Variants in THSD4 observed in about 807,000 individuals in gnomAD.
THSD4 encodes thrombospondin type 1 domain containing 4, also known as thrombospondin type-1 domain-containing protein 4.
THSD4 carries 69 observed loss-of-function variants against 119.0 expected under a neutral mutation model. The ratio of observed to expected loss-of-function variants is 0.58; its 90% CI spans 0.48 to 0.71. The LOEUF (loss-of-function observed/expected upper bound fraction) is 0.71, where lower values mean the gene tolerates loss of function less well. Among genes scored for constraint, THSD4 ranks in the 30% least tolerant of loss-of-function variants. The pLI, the probability that THSD4 is intolerant of heterozygous loss-of-function variation, is 0.00. For missense variants in THSD4, 1,393 were observed against 1,391.1 expected (o/e 1.00, Z -0.02); for synonymous variants, 524 against 540.4 (o/e 0.97, Z 0.42).
At chr15:71,458,422 T>C (rs1044391279) in intron 7 of THSD4, among the ~76,000 whole-genome samples, 3 of 152,204 alleles carry the variant, frequency 2.0e-5, no homozygotes, top group Admixed American at 6.5e-5. Flanking sequence ...TAAACTTTAG[T>C]GTGCTTATCT....
Position 71,745,207 on chromosome 15 carries a change from C to A in THSD4, c.2008C>A (p.Pro670Thr), listed in dbSNP as rs868569048. Residue 670 changes from proline (P) to threonine (T), a missense_variant, in exon 12 of 18, where the codon CCC becomes ACC. Coordinates refer to ENST00000261862, the MANE Select transcript of THSD4 (RefSeq NM_024817.3). ...SSMKPTPEEE[P>T]CNIFPCPAFW... ...CATGAAGCCGACCCCCGAGGAGGAGCCCTGCAACATCTTCCCTTGCCCAGC... is the reference window on the plus strand; with the variant it reads ...CATGAAGCCGACCCCCGAGGAGGAGACCTGCAACATCTTCCCTTGCCCAGC... 2 of 1,613,780 alleles carry A rather than the reference C, an allele frequency of 1.2e-6. No individual in the cohort carries two copies. The highest frequency in any genetic ancestry group is 1.7e-5 in the Admixed American group (1 of 60,018).
intron 6 of THSD4, among the ~76,000 whole-genome samples, chr15:71,378,827 A>C (rs1046850987): frequency 2.0e-5 from 3 of 152,210 alleles, no homozygotes; most frequent in Non-Finnish European, 4.4e-5. Flanking sequence ...TCTGTTGCCC[A>C]GGCTGCAGTA....
At chr15:71,317,012 T>C (rs2045196425) in intron 6 of THSD4, among the ~76,000 whole-genome samples, 1 of 152,116 alleles carries the variant, frequency 6.6e-6, no homozygotes, top group Non-Finnish European at 1.5e-5. Flanking sequence ...AAAGATTGGG[T>C]GGGATATAAA....
intron 3 of THSD4, among the ~76,000 whole-genome samples, chr15:71,202,889 G>A (rs1415545627): frequency 6.6e-6 from 1 of 152,176 alleles, no homozygotes; most frequent in African/African-American, 2.4e-5. Flanking sequence ...GATTGCATCA[G>A]CCAGGTGACA....
At chr15:71,126,115 C>T (rs1002135085) in intron 1 of THSD4, among the ~76,000 whole-genome samples, 2 of 152,224 alleles carry the variant, frequency 1.3e-5, no homozygotes, top group Non-Finnish European at 2.9e-5. Context: ...TGTTTGACGT[C>T]CAGCAATCCA....
intron 6 of THSD4, among the ~76,000 whole-genome samples, chr15:71,301,773 G>A (rs1350551401): frequency 1.3e-5 from 2 of 152,212 alleles, no homozygotes; most frequent in African/African-American, 4.8e-5. Context: ...AGTTGAGTGT[G>A]TGCTTAGTTA....
intron 8 of THSD4, among the ~76,000 whole-genome samples, chr15:71,662,266 G>C (rs1054862923): frequency 2.0e-5 from 3 of 152,064 alleles, no homozygotes; most frequent in Non-Finnish European, 4.4e-5. Flanking sequence ...GGTTTTACGG[G>C]GGGGGAGGAG....
At chr15:71,272,920 G>A (rs2415113) in intron 6 of THSD4, among the ~76,000 whole-genome samples, 148,986 of 152,296 alleles carry the variant, frequency 0.98, 72,950 homozygotes, top group East Asian at 1. Context: ...TATGGAGAAA[G>A]GGGAACCTTT....
chr15:71,451,088 G>A (rs192569158), intron 7 of THSD4, among the ~76,000 whole-genome samples: 2 of 152,236 alleles, frequency 1.3e-5, no homozygotes, highest in East Asian at 3.9e-4. Flanking sequence ...TGAAGTGGGA[G>A]AATCACTTAA....
At chr15:71,752,560 G>A (rs1266799756) in intron 14 of THSD4, among the ~76,000 whole-genome samples, 1 of 152,214 alleles carries the variant, frequency 6.6e-6, no homozygotes. Flanking sequence ...GAGTAGATGA[G>A]TGGGAAGGGA....
intron 6 of THSD4, among the ~76,000 whole-genome samples, chr15:71,327,136 C>T (rs2045356779): frequency 6.6e-6 from 1 of 152,102 alleles, no homozygotes; most frequent in Admixed American, 6.5e-5. Context: ...CACTGCACTC[C>T]AGCCTGGGTG....
intron 7 of THSD4, among the ~76,000 whole-genome samples, chr15:71,628,849 A>G (rs186948336): frequency 2.6e-4 from 40 of 152,214 alleles, no homozygotes; most frequent in Non-Finnish European, 4.7e-4. Context: ...CTGAGGCACC[A>G]GCCAGGCATC....
intron 1 of THSD4, among the ~76,000 whole-genome samples, chr15:71,117,292 C>G (rs2040371555): frequency 6.6e-6 from 1 of 152,112 alleles, no homozygotes; most frequent in African/African-American, 2.4e-5. Flanking sequence ...AAATACAGCC[C>G]AGAGTTTGGG....
chr15:71,639,983 TA>T (rs1242791681), intron 7 of THSD4, among the ~76,000 whole-genome samples: 3 of 152,204 alleles, frequency 2.0e-5, no homozygotes, highest in Non-Finnish European at 2.9e-5. Context: ...CTTTTTTCAG[TA>T]AAGATAGGTC....
At chr15:71,203,904 T>C (rs1429798145) in intron 3 of THSD4, among the ~76,000 whole-genome samples, 1 of 152,202 alleles carries the variant, frequency 6.6e-6, no homozygotes, top group African/African-American at 2.4e-5. Flanking sequence ...GTGCTGAATA[T>C]TGACCCAGAT....
intron 7 of THSD4, among the ~76,000 whole-genome samples, chr15:71,659,190 C>T (rs1030320736): frequency 1.7e-4 from 26 of 152,196 alleles, no homozygotes; most frequent in African/African-American, 5.6e-4. Flanking sequence ...AAGTATCTTT[C>T]CATATCCTCA....
At chr15:71,135,362 A>C (rs2040540400) in intron 1 of THSD4, among the ~76,000 whole-genome samples, 1 of 144,612 alleles carries the variant, frequency 6.9e-6, no homozygotes, top group African/African-American at 2.6e-5. Context: ...TTAAAGTATA[A>C]TAAAAAAAAA....
At chr15:71,390,112 G>A (rs1267541371) in intron 6 of THSD4, among the ~76,000 whole-genome samples, 1 of 152,078 alleles carries the variant, frequency 6.6e-6, no homozygotes, top group Non-Finnish European at 1.5e-5. Flanking sequence ...TAATAAATCA[G>A]AATGAGCAAC....
Position 71,146,939 on chromosome 15 carries a change from A to G in THSD4, c.29+5383A>G, listed in dbSNP as rs146089031. On this transcript the variant is annotated intron_variant, in intron 2 of 17. Transcript: ENST00000261862. ...GATTTGCTAGAACATTCTGTACCCA[A>G]AAAGGCTCAATGGAGTCAAGGTGTG... Among the ~76,000 whole-genome samples, 113 of 152,304 alleles carry G rather than the reference A, an allele frequency of 7.4e-4. 2 individuals carry two copies. The highest frequency in any genetic ancestry group is 6.2e-3 in the East Asian group (32 of 5,186).
Sources: allele counts gnomAD v4.1 joint callset (sites outside exome capture counted in the v4.1 genomes callset), GRCh38; gene constraint gnomAD v4.1.1; transcripts MANE v1.5; gene names NCBI Gene and HGNC (gene_info 2026-07-23, HGNC 2026-07-21).